Variants in KLHL13 observed in about 807,000 individuals in gnomAD.
KLHL13 encodes the protein kelch-like protein 13.
A neutral mutation model predicts 37.1 loss-of-function variants in KLHL13; 10 were observed. The observed-to-expected ratio is 0.27, with a 90% CI of 0.17 to 0.46. The LOEUF is 0.46. KLHL13 is among the 20% of genes least tolerant of loss of function. The pLI is 1.00. For synonymous variants in KLHL13, 163 were observed against 181.2 expected (o/e 0.90, Z 0.81); for missense variants, 360 against 509.3 (o/e 0.71, Z 2.82).
chrX:118,104,048 TAAAA>T (rs60645250), intron 1 of KLHL13, among the ~76,000 whole-genome samples: 69 of 42,572 alleles, frequency 1.6e-3, no homozygotes, highest in African/African-American at 5.3e-3. Context: ...TCATTTCCAC[TAAAA>T]AAAAAAAAAA....
chrX:117,915,195 G>A (rs181934184), intron 4 of KLHL13, among the ~76,000 whole-genome samples: 13 of 111,856 alleles, frequency 1.2e-4, no homozygotes, highest in South Asian at 3.8e-4. Flanking sequence ...TAATCTTTAC[G>A]GGTAAATACA....
At position 118,074,211 on chromosome X, in the gene KLHL13, T is replaced by C. The variant is rs143058649; in HGVS notation, c.-56+42297A>G. Among the ~76,000 whole-genome samples, 670 of 112,057 alleles carry C rather than the reference T, an allele frequency of 6.0e-3. 3 individuals carry two copies. The highest frequency in any genetic ancestry group is 0.021 in the African/African-American group (643 of 30,859). The stretch of plus-strand genomic sequence containing the variant: ...ATGACCTTAGCAGAAATGTAGGTTC[T>C]ACCTAAGGGTTTGTTTGTGAAGTAA... On this transcript the variant is annotated intron_variant, in intron 1 of 6. Coordinates refer to the KLHL13 transcript ENST00000371882.
chrX:117,919,805 G>T (rs1325325229), intron 3 of KLHL13, 88 bp from the exon 5 acceptor site: 22 of 677,174 alleles, frequency 3.2e-5, no homozygotes, highest in Middle Eastern at 3.8e-4. Context: ...TAAAATCAAA[G>T]GAAAGTCTTA....
intron 1 of KLHL13, among the ~76,000 whole-genome samples, chrX:118,097,166 A>G (rs1327783419): frequency 2.7e-5 from 3 of 111,643 alleles, no homozygotes; most frequent in African/African-American, 9.8e-5. Flanking sequence ...ACATGATTAT[A>G]TATCTAGAAA....
At chrX:117,965,162 C>CACTGACTTCCACAATGGTTGA (rs2053397768) in intron 1 of KLHL13, among the ~76,000 whole-genome samples, 1 of 111,783 alleles carries the variant, frequency 8.9e-6, no homozygotes, top group Non-Finnish European at 1.9e-5. Context: ...GGAATGGCCA[C>CACTGACTTCCACAATGGTTGA]ACTGACTTCC....
intron 1 of KLHL13, among the ~76,000 whole-genome samples, chrX:117,982,838 T>G (rs1164359161): frequency 9.0e-6 from 1 of 111,509 alleles, no homozygotes; most frequent in Non-Finnish European, 1.9e-5. Flanking sequence ...TGGCCTGCCT[T>G]AGCATATGAA....
At chrX:117,972,940 G>A (rs889500833) in exon 1 of KLHL13, 34 of 1,101,993 alleles carry the variant, frequency 3.1e-5, no homozygotes, top group Admixed American at 1.3e-4. Context: ...CGGAGAACAA[G>A]CAAAGGATTC....
chrX:118,075,900 C>A (rs2054923345), intron 1 of KLHL13, among the ~76,000 whole-genome samples: 1 of 111,492 alleles, frequency 9.0e-6, no homozygotes, highest in South Asian at 3.8e-4. Context: ...GGTTCTATTT[C>A]TGTGTCATAA....
At chrX:118,075,230 TG>T (rs1294422053) in intron 1 of KLHL13, among the ~76,000 whole-genome samples, 3 of 111,497 alleles carry the variant, frequency 2.7e-5, no homozygotes, top group African/African-American at 9.8e-5. Flanking sequence ...TCAGTTTGTT[TG>T]CTGTGTGTGG....
intron 2 of KLHL13, among the ~76,000 whole-genome samples, chrX:117,924,994 A>G (rs1470787717): frequency 1.8e-5 from 2 of 111,198 alleles, no homozygotes; most frequent in Non-Finnish European, 3.8e-5. Context: ...TTCAACCTCT[A>G]TTAAATAGAG....
Position 117,953,915 on chromosome X carries a change from A to G in KLHL13, c.99-8340T>C, listed in dbSNP as rs12860454. 6.9e-3 allele frequency among the ~76,000 whole-genome samples: 776 copies of G among 112,012 alleles called. 11 individuals are homozygous for G. The highest frequency in any genetic ancestry group is 0.024 in the African/African-American group (731 of 30,901). ...AAAAATCTTTCATGCTATTCTCCCA[A>G]CACTTATGGGGTAGGGAGGTAGTAA... On this transcript the variant is annotated intron_variant, in intron 1 of 6. Transcript: ENST00000262820.
At chrX:118,018,012 T>A (rs1490298773) in intron 1 of KLHL13, among the ~76,000 whole-genome samples, 1 of 111,615 alleles carries the variant, frequency 9.0e-6, no homozygotes, top group East Asian at 2.8e-4. Context: ...GACATTACCA[T>A]AATGCATGCA....
At chrX:117,967,971 A>C (rs139810987) in intron 1 of KLHL13, among the ~76,000 whole-genome samples, 1,625 of 111,509 alleles carry the variant, frequency 0.015, 12 homozygotes, top group Non-Finnish European at 0.022. Context: ...AGGCCCTTTA[A>C]GACAAGCAGA....
chrX:118,014,933 A>G (rs2147997453), intron 1 of KLHL13, among the ~76,000 whole-genome samples: 1 of 112,551 alleles, frequency 8.9e-6, no homozygotes, highest in African/African-American at 3.2e-5. Flanking sequence ...TAAGAAAAAC[A>G]GGGAGGTACA....
chrX:117,920,141 CA>C, intron 3 of KLHL13, 96 bp downstream of exon 4: 1 of 945,506 alleles, frequency 1.1e-6, no homozygotes, highest in South Asian at 2.3e-5. Flanking sequence ...AAGCTGTTTC[CA>C]AAAGAACCAA....
chrX:118,033,164 C>T (rs2054382517), intron 1 of KLHL13, among the ~76,000 whole-genome samples: 1 of 111,552 alleles, frequency 9.0e-6, no homozygotes, highest in African/African-American at 3.3e-5. Flanking sequence ...TTGGAAAACA[C>T]TCTGCAGGAT....
chrX:118,005,761 C>T (rs781394415), intron 1 of KLHL13, among the ~76,000 whole-genome samples: 34 of 111,913 alleles, frequency 3.0e-4, no homozygotes, highest in African/African-American at 1.1e-3. Flanking sequence ...TAATTTTAGG[C>T]CAATGACCGG....
intron 5 of KLHL13, among the ~76,000 whole-genome samples, chrX:117,908,179 GCTTT>G (rs893377179): frequency 1.0e-4 from 11 of 106,872 alleles, no homozygotes; most frequent in South Asian, 4.1e-4. Flanking sequence ...GCCACATCTG[GCTTT>G]CTTTCTTTCT....
intron 1 of KLHL13, among the ~76,000 whole-genome samples, chrX:117,970,417 T>C (rs926242629): frequency 9.0e-6 from 1 of 111,681 alleles, no homozygotes; most frequent in Non-Finnish European, 1.9e-5. Context: ...GGAGTCAGAA[T>C]TGAACAATTC....
Sources: gnomAD v4.1 joint callset for allele counts (sites outside exome capture counted in the v4.1 genomes callset) on GRCh38, gnomAD v4.1.1 for gene constraint, MANE v1.5 for transcripts, NCBI Gene and HGNC (gene_info 2026-07-23, HGNC 2026-07-21) for gene names.